ROBO1: variants seen among roughly 807,000 people sequenced by gnomAD.
ROBO1 encodes roundabout guidance receptor 1.
ROBO1 carries 149 observed loss-of-function variants against 195.9 expected under a neutral mutation model. The observed-to-expected ratio is 0.76, with a 90% confidence interval of 0.67 to 0.87. The LOEUF is 0.87. ROBO1 is among the 40% of genes least tolerant of loss of function. The pLI, the probability that ROBO1 is intolerant of heterozygous loss-of-function variation, is 0.00. For synonymous variants in ROBO1, 816 were observed against 733.2 expected (o/e 1.11, Z -1.82); for missense variants, 1,933 against 2,068.3 (o/e 0.93, Z 1.27).
chr3:79,569,091 C>T (rs902876754), intron 2 of ROBO1, among the ~76,000 whole-genome samples: 7 of 151,990 alleles, frequency 4.6e-5, no homozygotes, highest in Non-Finnish European at 1.0e-4. Flanking sequence ...AACTTTTGTG[C>T]CTTATTAACC....
chr3:78,807,257 A>G (rs1576204352), intron 4 of ROBO1, among the ~76,000 whole-genome samples: 1 of 152,346 alleles, frequency 6.6e-6, no homozygotes, highest in East Asian at 1.9e-4. Context: ...CATTTTTATT[A>G]CTATTTTTCT....
At chr3:78,938,343 A>T (rs894706973) in intron 4 of ROBO1, 2 of 426,416 alleles carry the variant, frequency 4.7e-6, no homozygotes, top group Non-Finnish European at 8.6e-6. Context: ...AATTTTAATA[A>T]AACTTTCCAA....
chr3:78,661,423 C>A (rs2107668916), intron 15 of ROBO1, among the ~76,000 whole-genome samples, 162 bp from the exon 16 acceptor site: 1 of 152,194 alleles, frequency 6.6e-6, no homozygotes, highest in South Asian at 2.1e-4. Flanking sequence ...AAATAAAAAT[C>A]ATTATTTGTG....
chr3:78,777,581 C>T (rs2083542660), intron 4 of ROBO1, among the ~76,000 whole-genome samples: 1 of 152,136 alleles, frequency 6.6e-6, no homozygotes, highest in South Asian at 2.1e-4. Context: ...AAATCACACC[C>T]ACTGTTTGAG....
intron 2 of ROBO1, among the ~76,000 whole-genome samples, chr3:79,517,594 A>C (rs1941005707): frequency 1.3e-5 from 2 of 152,172 alleles, no homozygotes; most frequent in Non-Finnish European, 2.9e-5. Context: ...ATAGCACTAA[A>C]TGGCTCCTAA....
At chr3:79,381,716 T>A (rs2036581624) in intron 2 of ROBO1, among the ~76,000 whole-genome samples, 1 of 152,010 alleles carries the variant, frequency 6.6e-6, no homozygotes, top group Non-Finnish European at 1.5e-5. Context: ...AGAGTCAACA[T>A]CATCTTTGAA....
chr3:78,748,384 G>C (rs1278090589), intron 4 of ROBO1, among the ~76,000 whole-genome samples: 1 of 152,094 alleles, frequency 6.6e-6, no homozygotes, highest in African/African-American at 2.4e-5. Context: ...GGTGGCGGTT[G>C]TGGTGAGCTG....
chr3:79,618,149 G>A (rs941027624), intron 1 of ROBO1, among the ~76,000 whole-genome samples: 12 of 152,048 alleles, frequency 7.9e-5, no homozygotes, highest in Admixed American at 7.9e-4. Flanking sequence ...ACGAACCTAT[G>A]AGATATATGC....
intron 2 of ROBO1, among the ~76,000 whole-genome samples, chr3:79,195,304 T>G (rs557025964): frequency 1.3e-5 from 2 of 151,798 alleles, no homozygotes; most frequent in Admixed American, 1.3e-4. Flanking sequence ...CAGTTATCAG[T>G]AGCTGTTTTT....
chr3:78,997,588 T>C (rs955274156), intron 3 of ROBO1, among the ~76,000 whole-genome samples: 8 of 152,110 alleles, frequency 5.3e-5, no homozygotes, highest in African/African-American at 1.9e-4. Context: ...CACTATACCC[T>C]CAAATTATTC....
chr3:79,630,230 C>A (rs1945298164), intron 1 of ROBO1, among the ~76,000 whole-genome samples: 1 of 152,008 alleles, frequency 6.6e-6, no homozygotes, highest in South Asian at 2.1e-4. Context: ...AAAATAGATG[C>A]AAACATGCTG....
chr3:79,334,240 T>C (rs2034564060), intron 2 of ROBO1, among the ~76,000 whole-genome samples: 1 of 150,018 alleles, frequency 6.7e-6, no homozygotes, highest in Non-Finnish European at 1.5e-5. Flanking sequence ...GAGGCAGAGG[T>C]TGCAGTGAGC....
intron 3 of ROBO1, among the ~76,000 whole-genome samples, chr3:79,109,876 G>C (rs1343493331): frequency 2.6e-5 from 4 of 152,118 alleles, no homozygotes; most frequent in Middle Eastern, 6.8e-3. Context: ...TCTGCTCCTG[G>C]AAAGAAGCAC....
intron 3 of ROBO1, among the ~76,000 whole-genome samples, chr3:78,947,029 C>T (rs1310758332): frequency 2.0e-5 from 3 of 152,134 alleles, no homozygotes; most frequent in Non-Finnish European, 4.4e-5. Context: ...AAAGCAAGAC[C>T]TTAGTGACCT....
intron 3 of ROBO1, among the ~76,000 whole-genome samples, chr3:79,087,540 TTTCCTTCCTTC>T (rs2079395185): frequency 6.6e-6 from 1 of 151,692 alleles, no homozygotes; most frequent in Admixed American, 6.6e-5. Context: ...TCCTTCCTTC[TTTCCTTCCTTC>T]TTCCTTCCTT....
intron 2 of ROBO1, among the ~76,000 whole-genome samples, chr3:79,509,767 C>T (rs148460249): frequency 2.6e-5 from 4 of 151,934 alleles, no homozygotes; most frequent in Admixed American, 2.6e-4. Flanking sequence ...AATCTTAACC[C>T]CCCTCCATGA....
At chr3:78,902,660 T>C (rs978193515) in intron 4 of ROBO1, among the ~76,000 whole-genome samples, 9 of 152,068 alleles carry the variant, frequency 5.9e-5, no homozygotes, top group Non-Finnish European at 7.4e-5. Flanking sequence ...CTGGCCAACA[T>C]GATGAAACCC....
intron 4 of ROBO1, among the ~76,000 whole-genome samples, chr3:78,849,779 G>A (rs1009472413): frequency 2.0e-5 from 3 of 149,770 alleles, no homozygotes; most frequent in Non-Finnish European, 3.0e-5. Flanking sequence ...AGACAGATAA[G>A]ACTAGAATAG....
intron 1 of ROBO1, among the ~76,000 whole-genome samples, chr3:79,707,431 T>A (rs1272962749): frequency 1.3e-5 from 2 of 152,194 alleles, no homozygotes; most frequent in Non-Finnish European, 2.9e-5. Flanking sequence ...ATTAATATTT[T>A]CAAAGAATCT....
Sources: allele counts gnomAD v4.1 joint callset (sites outside exome capture counted in the v4.1 genomes callset), GRCh38; gene constraint gnomAD v4.1.1; transcripts MANE v1.5; gene names NCBI Gene and HGNC (gene_info 2026-07-23, HGNC 2026-07-21).